The following NOL4L variants were observed in gnomAD, a reference collection of about 807,000 sequenced individuals.
NOL4L encodes the protein nucleolar protein 4-like.
Under a neutral mutation model 64.5 loss-of-function variants are expected in NOL4L, and 7 were observed. The observed-to-expected ratio is 0.11, with a 90% CI of 0.06 to 0.20. NOL4L has a LOEUF of 0.20. NOL4L is among the 10% of genes least tolerant of loss of function. The pLI, the probability that NOL4L is intolerant of heterozygous loss-of-function variation, is 1.00. For missense variants in NOL4L, 680 were observed against 967.1 expected, an observed-to-expected ratio of 0.70 and a Z score of 3.94; for synonymous variants, 413 against 401.0, an observed-to-expected ratio of 1.03 and a Z score of -0.36.
intron 1 of NOL4L, among the ~76,000 whole-genome samples, chr20:32,556,983 A>T (rs1978696020): frequency 6.6e-6 from 1 of 152,244 alleles, no homozygotes; most frequent in African/African-American, 2.4e-5. Flanking sequence ...GGAATCAGGT[A>T]GACCCGATTT....
intron 1 of NOL4L, among the ~76,000 whole-genome samples, chr20:32,553,361 TCTC>T (rs999553621): frequency 6.6e-6 from 1 of 152,086 alleles, no homozygotes; most frequent in Non-Finnish European, 1.5e-5. Context: ...CCACTGGCCT[TCTC>T]CTGGCGCTAC....
At chr20:32,499,331 A>C (rs1405197990) in intron 4 of NOL4L, among the ~76,000 whole-genome samples, 2 of 152,216 alleles carry the variant, frequency 1.3e-5, no homozygotes, top group Non-Finnish European at 2.9e-5. Context: ...GTCAGTGAAC[A>C]AAGAGGCCTG....
intron 1 of NOL4L, among the ~76,000 whole-genome samples, chr20:32,555,990 C>A (rs762583458): frequency 6.6e-6 from 1 of 152,162 alleles, no homozygotes; most frequent in Non-Finnish European, 1.5e-5. Flanking sequence ...CAGTATTCTG[C>A]GTATTTCTGT....
At chr20:32,494,981 C>T (rs2016629510) in intron 4 of NOL4L, among the ~76,000 whole-genome samples, 1 of 152,222 alleles carries the variant, frequency 6.6e-6, no homozygotes, top group Non-Finnish European at 1.5e-5. Context: ...TGGCAAGGAT[C>T]CCCCACTCCC....
At chr20:32,545,838 C>A (rs1022480273) in intron 1 of NOL4L, among the ~76,000 whole-genome samples, 2 of 151,654 alleles carry the variant, frequency 1.3e-5, no homozygotes, top group African/African-American at 4.9e-5. Flanking sequence ...GTAAGAAGGG[C>A]GGGCTAGAGC....
intron 10 of NOL4L, chr20:32,449,903 T>G (rs2012706222): frequency 6.6e-6 from 1 of 152,394 alleles, no homozygotes; most frequent in African/African-American, 2.4e-5. Context: ...TTCCTTTCTT[T>G]TCTCCTCTCC....
chr20:32,482,510 G>A (rs2015795893), intron 4 of NOL4L, among the ~76,000 whole-genome samples: 2 of 152,266 alleles, frequency 1.3e-5, no homozygotes, highest in Non-Finnish European at 2.9e-5. Context: ...CCTATCCAAA[G>A]TGTCCAGCCT....
At chr20:32,504,955 C>A (rs1313128860) in intron 4 of NOL4L, among the ~76,000 whole-genome samples, 2 of 152,214 alleles carry the variant, frequency 1.3e-5, no homozygotes, top group African/African-American at 2.4e-5. Flanking sequence ...CAGCAGGAGA[C>A]AAGGCCATGT....
At chr20:32,583,648 C>A (rs1980658382) in intron 1 of NOL4L, among the ~76,000 whole-genome samples, 1 of 144,594 alleles carries the variant, frequency 6.9e-6, no homozygotes, top group Non-Finnish European at 1.5e-5. Context: ...GAGCGGCCGC[C>A]CCCCCCCCAG....
intron 4 of NOL4L, among the ~76,000 whole-genome samples, chr20:32,509,604 C>G (rs889448466): frequency 6.6e-6 from 1 of 150,724 alleles, no homozygotes; most frequent in Non-Finnish European, 1.5e-5. Context: ...GCTCACAGAA[C>G]AGAGCTCCAT....
At chr20:32,515,488 G>C (rs1249975888) in intron 3 of NOL4L, among the ~76,000 whole-genome samples, 3 of 152,140 alleles carry the variant, frequency 2.0e-5, no homozygotes, top group Non-Finnish European at 4.4e-5. Flanking sequence ...CTTTTCAGCA[G>C]TGAGGAGCCC....
chr20:32,469,441 G>A (rs907297881), intron 5 of NOL4L, among the ~76,000 whole-genome samples: 29 of 150,020 alleles, frequency 1.9e-4, no homozygotes, highest in African/African-American at 6.9e-4. Flanking sequence ...GTGTGGTCTC[G>A]GCTTACTGTA....
At chr20:32,494,366 G>A (rs293549) in intron 4 of NOL4L, among the ~76,000 whole-genome samples, 79,328 of 150,656 alleles carry the variant, frequency 0.53, 22,797 homozygotes, top group East Asian at 0.99. Flanking sequence ...GAGGAACTGA[G>A]TTCTGTGTCT....
chr20:32,509,632 C>A (rs897025856), intron 4 of NOL4L: 2 of 434,092 alleles, frequency 4.6e-6, no homozygotes, highest in Non-Finnish European at 6.1e-6. Flanking sequence ...TGTGGAATGA[C>A]TGAATCCTCG....
chr20:32,488,847 CTTTCT>C, intron 4 of NOL4L, among the ~76,000 whole-genome samples: 1 of 66,194 alleles, frequency 1.5e-5, no homozygotes, highest in South Asian at 4.6e-4. Flanking sequence ...TTCTTTCTTT[CTTTCT>C]TTCTTTCTTT....
chr20:32,568,118 T>C (rs1979544419), intron 1 of NOL4L, among the ~76,000 whole-genome samples: 1 of 151,616 alleles, frequency 6.6e-6, no homozygotes, highest in South Asian at 2.1e-4. Context: ...ATAATCATCA[T>C]CATGACGGCC....
intron 5 of NOL4L, among the ~76,000 whole-genome samples, 177 bp from the exon 6 acceptor site, chr20:32,456,572 G>A (rs2013553472): frequency 6.6e-6 from 1 of 152,136 alleles, no homozygotes; most frequent in Non-Finnish European, 1.5e-5. Flanking sequence ...GCAGCCACAG[G>A]GTCCCCTCTG....
At chr20:32,510,921 C>T (rs2145555718) in intron 4 of NOL4L, among the ~76,000 whole-genome samples, 1 of 152,306 alleles carries the variant, frequency 6.6e-6, no homozygotes, top group East Asian at 1.9e-4. Context: ...CAAGGACTAT[C>T]CCCTAGTCCT....
chr20:32,481,974 G>T (rs1428381449), intron 4 of NOL4L, among the ~76,000 whole-genome samples: 1 of 148,064 alleles, frequency 6.8e-6, no homozygotes, highest in Non-Finnish European at 1.5e-5. Context: ...CGGGGGGGGG[G>T]GAGCAGGCTG....
Sources: gnomAD v4.1 joint callset for allele counts (sites outside exome capture counted in the v4.1 genomes callset) on GRCh38, gnomAD v4.1.1 for gene constraint, MANE v1.5 for transcripts, NCBI Gene and HGNC (gene_info 2026-07-23, HGNC 2026-07-21) for gene names.